The following C1QTNF3 variants were observed in gnomAD, a reference collection of about 807,000 sequenced individuals.
C1QTNF3 encodes C1q and TNF related 3.
Under a neutral mutation model 32.6 loss-of-function variants are expected in C1QTNF3, and 26 were observed. That is an observed-to-expected ratio of 0.80 (90% confidence interval 0.58 to 1.11). The LOEUF is 1.11. Ranked by LOEUF, C1QTNF3 falls within the 50% of genes least tolerant of loss-of-function variation. The pLI is 0.00. For synonymous variants in C1QTNF3, 155 were observed against 146.0 expected (o/e 1.06, Z -0.44); for missense variants, 362 against 398.2 (o/e 0.91, Z 0.77).
chr5:34,139,038 A>G, the C1QTNF3 span, among the ~76,000 whole-genome samples: 1 of 152,084 alleles, frequency 6.6e-6, no homozygotes, highest in Admixed American at 6.5e-5. Flanking sequence ...AGCCTGAAGG[A>G]GGATTCCCAA....
At chr5:34,224,150 G>A in the C1QTNF3 span, among the ~76,000 whole-genome samples, 1 of 152,190 alleles carries the variant, frequency 6.6e-6, no homozygotes, top group South Asian at 2.1e-4. Context: ...TGAAATAAAA[G>A]AGGATACAAA....
the C1QTNF3 span, among the ~76,000 whole-genome samples, chr5:34,131,021 T>C: frequency 6.6e-5 from 10 of 152,388 alleles, no homozygotes; most frequent in African/African-American, 2.4e-4. Flanking sequence ...TTTTGATTAT[T>C]ATCCTTGCCC....
At chr5:34,219,257 T>C in the C1QTNF3 span, among the ~76,000 whole-genome samples, 1 of 151,934 alleles carries the variant, frequency 6.6e-6, no homozygotes, top group East Asian at 1.9e-4. Context: ...TGATTATCTT[T>C]AGATATATGT....
the C1QTNF3 span, among the ~76,000 whole-genome samples, chr5:34,054,808 CA>C: frequency 6.6e-6 from 1 of 152,146 alleles, no homozygotes; most frequent in Non-Finnish European, 1.5e-5. Flanking sequence ...GTATCTTCTA[CA>C]TCTGTCCATG....
At chr5:34,100,301 T>C in the C1QTNF3 span, among the ~76,000 whole-genome samples, 1 of 151,832 alleles carries the variant, frequency 6.6e-6, no homozygotes, top group African/African-American at 2.4e-5. Flanking sequence ...CAATCACCTC[T>C]TAAAGTTCCT....
chr5:34,239,778 A>G, the C1QTNF3 span, among the ~76,000 whole-genome samples: 4 of 152,034 alleles, frequency 2.6e-5, no homozygotes, highest in African/African-American at 4.8e-5. Context: ...ACACTTGACC[A>G]TTTGGACCTA....
chr5:34,099,335 C>T, the C1QTNF3 span, among the ~76,000 whole-genome samples: 1 of 152,092 alleles, frequency 6.6e-6, no homozygotes, highest in Non-Finnish European at 1.5e-5. Context: ...ATATATATCA[C>T]TAAAGACGTT....
At chr5:34,155,211 AC>A in the C1QTNF3 span, among the ~76,000 whole-genome samples, 1 of 152,338 alleles carries the variant, frequency 6.6e-6, no homozygotes, top group South Asian at 2.1e-4. Context: ...CTGTGTAATA[AC>A]AATGGATTGA....
chr5:34,219,832 A>G, the C1QTNF3 span: 3 of 152,230 alleles, frequency 2.0e-5, no homozygotes, highest in African/African-American at 7.2e-5. Flanking sequence ...TAATTTTTAA[A>G]TGGCTACTGA....
At chr5:34,196,437 C>T in the C1QTNF3 span, among the ~76,000 whole-genome samples, 1 of 152,266 alleles carries the variant, frequency 6.6e-6, no homozygotes, top group South Asian at 2.1e-4. Context: ...CACGCCTGGT[C>T]AAAATATCTA....
chr5:34,135,114 C>T, the C1QTNF3 span, among the ~76,000 whole-genome samples: 1 of 152,090 alleles, frequency 6.6e-6, no homozygotes, highest in African/African-American at 2.4e-5. Flanking sequence ...GTTTATTGAA[C>T]GTTTTCAGCA....
chr5:34,102,166 TCA>T, the C1QTNF3 span, among the ~76,000 whole-genome samples: 1 of 151,712 alleles, frequency 6.6e-6, no homozygotes, highest in Non-Finnish European at 1.5e-5. Flanking sequence ...TCAGAAAATC[TCA>T]GTGTTTCCTC....
At chr5:34,138,430 C>T in the C1QTNF3 span, among the ~76,000 whole-genome samples, 13 of 152,000 alleles carry the variant, frequency 8.6e-5, 1 homozygote, top group Middle Eastern at 6.8e-3. Flanking sequence ...CTTTAACATA[C>T]GACTATATTG....
At chr5:34,091,328 C>T in the C1QTNF3 span, among the ~76,000 whole-genome samples, 1 of 152,296 alleles carries the variant, frequency 6.6e-6, no homozygotes, top group Non-Finnish European at 1.5e-5. Flanking sequence ...ACCTACACAA[C>T]ATTCTTCGCC....
At chr5:34,054,865 T>C in the C1QTNF3 span, among the ~76,000 whole-genome samples, 2 of 152,204 alleles carry the variant, frequency 1.3e-5, no homozygotes, top group Non-Finnish European at 2.9e-5. Flanking sequence ...CTCCTTTTCC[T>C]TTTTGATTAT....
the C1QTNF3 span, among the ~76,000 whole-genome samples, chr5:34,161,952 T>C: frequency 6.6e-6 from 1 of 152,210 alleles, no homozygotes; most frequent in Non-Finnish European, 1.5e-5. Context: ...TTAACGATTT[T>C]TTTTCTAATC....
chr5:34,050,599 T>TA, the C1QTNF3 span, among the ~76,000 whole-genome samples: 10 of 152,320 alleles, frequency 6.6e-5, no homozygotes, highest in Admixed American at 5.9e-4. Context: ...AGCACATACT[T>TA]ACTGTAAATC....
At chr5:34,219,668 T>C in the C1QTNF3 span, among the ~76,000 whole-genome samples, 621 of 152,168 alleles carry the variant, frequency 4.1e-3, 6 homozygotes, top group African/African-American at 0.014. Context: ...TTTTTAGATA[T>C]AAAATTCCTT....
At chr5:34,195,620 T>A in the C1QTNF3 span, among the ~76,000 whole-genome samples, 2 of 152,282 alleles carry the variant, frequency 1.3e-5, no homozygotes, top group East Asian at 3.9e-4. Context: ...GGCGGGTGGA[T>A]CACGAGGTCA....
Sources: allele counts gnomAD v4.1 joint callset (sites outside exome capture counted in the v4.1 genomes callset), GRCh38; gene constraint gnomAD v4.1.1; transcripts MANE v1.5; gene names NCBI Gene and HGNC (gene_info 2026-07-23, HGNC 2026-07-21).